SNAP47: variants seen among roughly 807,000 people sequenced by gnomAD.
SNAP47 encodes synaptosomal-associated protein 47.
In SNAP47, 20 loss-of-function variants were observed where a neutral mutation model predicts 31.4. The ratio of observed to expected loss-of-function variants is 0.64; its 90% CI spans 0.45 to 0.93. SNAP47 has a LOEUF of 0.93. Ranked by LOEUF, SNAP47 falls within the 40% of genes least tolerant of loss-of-function variation. SNAP47 has a pLI of 0.00. For synonymous variants in SNAP47, 194 were observed against 213.4 expected (o/e 0.91, Z 0.79); for missense variants, 492 against 528.5 (o/e 0.93, Z 0.68).
intron 1 of SNAP47, among the ~76,000 whole-genome samples, chr1:227,738,017 T>TTTTTTTG (rs796612247): frequency 6.6e-6 from 1 of 151,868 alleles, no homozygotes; most frequent in South Asian, 2.1e-4. Flanking sequence ...TTTTTTTTGG[T>TTTTTTTG]TTTTTTGTTT....
intron 4 of SNAP47, among the ~76,000 whole-genome samples, chr1:227,779,449 C>G (rs1299682501): frequency 2.6e-5 from 4 of 152,134 alleles, no homozygotes; most frequent in African/African-American, 9.7e-5. Context: ...TAGAGGCAAC[C>G]AGAGGAGCTG....
chr1:227,776,308 C>G, intron 4 of SNAP47: 3 of 990,510 alleles, frequency 3.0e-6, no homozygotes, highest in Non-Finnish European at 3.6e-6. Flanking sequence ...ACTCCTTGCT[C>G]TATTTCTTTG....
chr1:227,729,287 C>G (rs1025283943), intron 1 of SNAP47, among the ~76,000 whole-genome samples: 1 of 152,146 alleles, frequency 6.6e-6, no homozygotes, highest in Non-Finnish European at 1.5e-5. Flanking sequence ...GGGCTGCTGA[C>G]TTTGGGGGTA....
At chr1:227,761,358 G>A (rs74565262) in intron 3 of SNAP47, among the ~76,000 whole-genome samples, 4 of 152,278 alleles carry the variant, frequency 2.6e-5, no homozygotes, top group South Asian at 4.2e-4. Flanking sequence ...AAAATGAAAG[G>A]TGCACACCTT....
intron 4 of SNAP47, among the ~76,000 whole-genome samples, chr1:227,767,560 G>A (rs1235542183): frequency 4.6e-5 from 7 of 151,988 alleles, no homozygotes; most frequent in Non-Finnish European, 7.4e-5. Context: ...TGTGTGTTGT[G>A]TGTGTTGTGT....
chr1:227,768,075 A>C (rs1278255291), intron 4 of SNAP47, among the ~76,000 whole-genome samples: 1 of 152,268 alleles, frequency 6.6e-6, no homozygotes, highest in Non-Finnish European at 1.5e-5. Context: ...AGAGCCATTC[A>C]GAAAGAACCG....
In SNAP47 at chr1:227,780,419, C is replaced by T. The variant is rs1189750203; in HGVS notation, c.1114-108C>T. 6 of 1,492,972 alleles carry T rather than the reference C, an allele frequency of 4.0e-6. No homozygotes were observed. In the Admixed American group the frequency reaches 1.2e-4, roughly 29 times the overall value. The allele number at this position is 1,492,972 out of a possible 1,614,324, so 92.5% of individuals were successfully genotyped here. On this transcript the variant is annotated intron_variant, in intron 4 of 4. Transcript: ENST00000617596. Reference sequence around the variant, plus strand: ...TCCTGCTGGCTCGCAGATGGCATCACCCAGGTGGTAACGCAAAGGCTCTTG... The same window carrying T: ...TCCTGCTGGCTCGCAGATGGCATCATCCAGGTGGTAACGCAAAGGCTCTTG...
intron 1 of SNAP47, among the ~76,000 whole-genome samples, chr1:227,743,041 G>A (rs1661717455): frequency 6.6e-6 from 1 of 152,154 alleles, no homozygotes; most frequent in Non-Finnish European, 1.5e-5. Context: ...GTGACCCTGG[G>A]GGTGTAGCTA....
At position 227,775,181 on chromosome 1, in the gene SNAP47, C is replaced by G. The variant is rs900510992; in HGVS notation, c.1114-5346C>G. On this transcript the variant is annotated intron_variant, in intron 4 of 4. Transcript: ENST00000617596. ...GGTGGTCTGCGAGTGCCGAGTGTGACAGATCGCAGCAGAGAGTGTTCTTTA... is the reference window on the plus strand; with the variant it reads ...GGTGGTCTGCGAGTGCCGAGTGTGAGAGATCGCAGCAGAGAGTGTTCTTTA... Among the ~76,000 whole-genome samples the G allele has an allele frequency of 5.3e-5, 8 of 152,342 alleles. No individual in the cohort carries two copies. In the Middle Eastern group the frequency reaches 0.014, roughly 259 times the overall value.
chr1:227,748,703 A>G (rs1267299283), intron 2 of SNAP47, among the ~76,000 whole-genome samples: 1 of 151,120 alleles, frequency 6.6e-6, no homozygotes, highest in African/African-American at 2.4e-5. Flanking sequence ...TGTGGCTCCT[A>G]TGTGGTAATG....
At chr1:227,732,137 G>A (rs1660690113), upstream of SNAP47, 1 of 572,148 alleles carries the variant, frequency 1.7e-6, no homozygotes, top group Non-Finnish European at 3.1e-6. Flanking sequence ...CCCCAAAAGA[G>A]CCAGGTCCTG....
chr1:227,762,869 G>A lies in SNAP47; in HGVS notation c.988+3384G>A, dbSNP rs980393366. Among the ~76,000 whole-genome samples the A allele has an allele frequency of 3.9e-5, 6 of 152,222 alleles. No homozygotes were observed. The highest frequency in any genetic ancestry group is 1.3e-4 in the Admixed American group (2 of 15,286). ...TCAGATTTTCTTGCAGTCGGCCTGG[G>A]CTGTGGTTTGGGAGGAAGGCCACAG... On this transcript the variant is annotated intron_variant, in intron 3 of 4. Transcript: ENST00000617596. The surrounding 1 kb of genome is among the most constrained non-coding windows in gnomAD (Gnocchi z 4.2).
chr1:227,780,599 G>C lies in SNAP47; in HGVS notation c.1186G>C (p.Gly396Arg), dbSNP rs1362673898. 2 of 1,614,228 alleles carry C rather than the reference G, an allele frequency of 1.2e-6. No individual in the cohort carries two copies. Among genetic ancestry groups the C allele is most frequent in the South Asian group, 2.2e-5 (2 of 91,088 alleles). ...ELERQDEALD[G>R]VAAAVDRATL... ...GGAGAGACAAGACGAAGCCCTGGATGGCGTTGCAGCAGCTGTGGACAGGGC... is the reference window on the plus strand; with the variant it reads ...GGAGAGACAAGACGAAGCCCTGGATCGCGTTGCAGCAGCTGTGGACAGGGC... The change falls in exon 5 of 5, where the codon GGC (glycine) becomes CGC (arginine). Residue 396 changes from glycine (G) to arginine (R), a missense_variant. Physicochemically the swap from Gly to Arg is moderately radical, Grantham distance 125. Transcript: ENST00000617596.
intron 4 of SNAP47, chr1:227,777,196 T>C (rs565517581): frequency 1.5e-6 from 1 of 663,210 alleles, no homozygotes; most frequent in Non-Finnish European, 1.9e-6. Flanking sequence ...TTGTACATAC[T>C]CATGGGTTAC....
intron 2 of SNAP47, among the ~76,000 whole-genome samples, chr1:227,753,249 T>G (rs930236392): frequency 2.0e-5 from 3 of 152,226 alleles, no homozygotes; most frequent in African/African-American, 7.2e-5. Context: ...TTTATTTCCT[T>G]TGGCTATTGT....
chr1:227,761,513 G>A (rs766228945), intron 3 of SNAP47, among the ~76,000 whole-genome samples: 1 of 152,208 alleles, frequency 6.6e-6, no homozygotes, highest in South Asian at 2.1e-4. Context: ...ATCAAGATGA[G>A]ATCAAAGGTC....
chr1:227,766,516 C>T lies in SNAP47; in HGVS notation c.989-443C>T, dbSNP rs117233105. Among the ~76,000 whole-genome samples the T allele has an allele frequency of 4.6e-3, 695 of 152,200 alleles. 18 individuals carry two copies. In the South Asian group the frequency reaches 0.055, roughly 12 times the overall value. ...TCTGACTCACCTCCCACCTCGGTGG[C>T]GCAGACGTGTGGCAGTGCTTGGCCT... On this transcript the variant is annotated intron_variant, in intron 3 of 4. Coordinates refer to ENST00000617596, the MANE Select transcript of SNAP47 (RefSeq NM_053052.4).
chr1:227,749,360 C>G (rs550298300), intron 2 of SNAP47, among the ~76,000 whole-genome samples: 1 of 152,102 alleles, frequency 6.6e-6, no homozygotes, highest in Non-Finnish European at 1.5e-5. Context: ...TCCCTCTGCC[C>G]TCAGGTTCCA....
At chr1:227,752,001 G>A (rs1260166223) in intron 2 of SNAP47, among the ~76,000 whole-genome samples, 1 of 151,994 alleles carries the variant, frequency 6.6e-6, no homozygotes, top group African/African-American at 2.4e-5. Context: ...TCCTGACCTC[G>A]TGATCCACCC....
Sources: gnomAD v4.1 joint callset for allele counts (sites outside exome capture counted in the v4.1 genomes callset) on GRCh38, gnomAD v4.1.1 for gene constraint, Gnocchi (gnomAD v3.1) non-coding constraint, MANE v1.5 for transcripts, NCBI Gene and HGNC (gene_info 2026-07-23, HGNC 2026-07-21) for gene names.